MFSD8: variants seen among roughly 807,000 people sequenced by gnomAD.
The protein encoded by MFSD8 is major facilitator superfamily domain containing 8, also known as major facilitator superfamily domain-containing protein 8.
MFSD8 carries 55 observed loss-of-function variants against 66.4 expected under a neutral mutation model. That is an observed-to-expected ratio of 0.83 (90% confidence interval 0.67 to 1.04). The LOEUF is 1.04. Ranked by LOEUF, MFSD8 falls within the 50% of genes least tolerant of loss-of-function variation. The pLI is 0.00. For synonymous variants in MFSD8, 202 were observed against 212.8 expected, an observed-to-expected ratio of 0.95 and a Z score of 0.44; for missense variants, 550 against 627.6, an observed-to-expected ratio of 0.88 and a Z score of 1.32.
At chr4:127,941,970 G>C in intron 5 of MFSD8, 75 bp downstream of exon 5, 13 of 1,151,756 alleles carry the variant, frequency 1.1e-5, no homozygotes, top group Non-Finnish European at 1.7e-5. Flanking sequence ...TTTTATACTT[G>C]GGTTACACTG....
chr4:127,921,475 G>A, intron 11 of MFSD8, 49 bp downstream of exon 11: 1 of 1,612,528 alleles, frequency 6.2e-7, no homozygotes, highest in Non-Finnish European at 8.5e-7. Context: ...AATGTTGAGT[G>A]CTTACAAGTA....
intron 5 of MFSD8, among the ~76,000 whole-genome samples, chr4:127,941,742 G>C (rs1327340631): frequency 6.6e-6 from 1 of 152,134 alleles, no homozygotes; most frequent in Non-Finnish European, 1.5e-5. Context: ...GATTACAGGT[G>C]TGGACCACCA....
At chr4:127,927,090 A>C (rs1737327977) in intron 9 of MFSD8, among the ~76,000 whole-genome samples, 1 of 152,234 alleles carries the variant, frequency 6.6e-6, no homozygotes, top group Non-Finnish European at 1.5e-5. Context: ...GATTTAGCCA[A>C]ACTGAAAACT....
intron 3 of MFSD8, among the ~76,000 whole-genome samples, chr4:127,949,265 C>G (rs966507688): frequency 6.6e-6 from 1 of 152,196 alleles, no homozygotes; most frequent in Non-Finnish European, 1.5e-5. Context: ...ATAGAACTGA[C>G]AGGACCTGAT....
intron 4 of MFSD8, 116 bp downstream of exon 4, chr4:127,943,636 T>C (rs1260330867): frequency 2.4e-6 from 3 of 1,236,392 alleles, no homozygotes; most frequent in Non-Finnish European, 2.3e-6. Context: ...ATGAGAAACA[T>C]GTATGTTGAA....
rs576357616 is a variant in MFSD8, at chr4:127,925,521, T to A, written c.999-3558A>T. On this transcript the variant is annotated intron_variant, in intron 9 of 11. Transcript: ENST00000641686. The stretch of plus-strand genomic sequence containing the variant: ...CATCACTGGTCATTAGAGAAATGCA[T>A]ATCAAAATCACAATGAGATACCATC... Among the ~76,000 whole-genome samples, 4 of 152,238 alleles carry A rather than the reference T, an allele frequency of 2.6e-5. No homozygotes were observed. In the East Asian group the frequency reaches 7.7e-4, roughly 29 times the overall value.
chr4:127,963,061 A>G (rs556714890), intron 1 of MFSD8, among the ~76,000 whole-genome samples: 2 of 152,250 alleles, frequency 1.3e-5, no homozygotes, highest in Non-Finnish European at 2.9e-5. Context: ...AAAATACATT[A>G]GGTATACATT....
intron 1 of MFSD8, among the ~76,000 whole-genome samples, chr4:127,958,546 CAT>C (rs1491205906): frequency 6.6e-6 from 1 of 151,824 alleles, no homozygotes; most frequent in African/African-American, 2.4e-5. Context: ...ATATGCCAAA[CAT>C]ATTAGTTCCT....
chr4:127,945,675 T>G (rs1165330813), intron 3 of MFSD8: 2 of 152,024 alleles, frequency 1.3e-5, no homozygotes, highest in African/African-American at 4.8e-5. Flanking sequence ...TTTTTCTTTA[T>G]GAAAAAAATA....
At chr4:127,927,898 AT>A (rs1737484664) in intron 9 of MFSD8, among the ~76,000 whole-genome samples, 1 of 152,000 alleles carries the variant, frequency 6.6e-6, no homozygotes, top group African/African-American at 2.4e-5. Context: ...ATCTCATTAT[AT>A]CATAGTGAGA....
chr4:127,959,931 C>G (rs923398276), intron 1 of MFSD8, among the ~76,000 whole-genome samples: 1 of 152,128 alleles, frequency 6.6e-6, no homozygotes, highest in Non-Finnish European at 1.5e-5. Flanking sequence ...TGTCACATAT[C>G]TGATTGAATT....
intron 7 of MFSD8, chr4:127,934,505 T>G: frequency 6.6e-6 from 1 of 152,116 alleles, no homozygotes; most frequent in East Asian, 1.9e-4. Context: ...CACACTGTTT[T>G]GTAATTTATC....
intron 2 of MFSD8, among the ~76,000 whole-genome samples, chr4:127,951,277 TGGAGTG>T: frequency 6.6e-6 from 1 of 152,274 alleles, no homozygotes; most frequent in Non-Finnish European, 1.5e-5. Context: ...TCGCCCAGGC[TGGAGTG>T]TAGTGACCCG....
At chr4:127,964,967 A>T in intron 1 of MFSD8, 105 bp downstream of exon 1, 1 of 1,385,876 alleles carries the variant, frequency 7.2e-7, no homozygotes, top group Non-Finnish European at 1.0e-6. Context: ...CCGCGCTGGA[A>T]CCCCTCTGGC....
intron 2 of MFSD8, among the ~76,000 whole-genome samples, chr4:127,953,021 C>T (rs996285047): frequency 6.6e-6 from 1 of 151,856 alleles, no homozygotes; most frequent in African/African-American, 2.4e-5. Flanking sequence ...GCATTGCTAC[C>T]AAAACAGTAT....
intron 7 of MFSD8, among the ~76,000 whole-genome samples, chr4:127,933,894 T>C (rs1381663020): frequency 6.6e-6 from 1 of 152,154 alleles, no homozygotes; most frequent in Non-Finnish European, 1.5e-5. Flanking sequence ...CAGTGTTACA[T>C]GAAATTAGTA....
At chr4:127,944,320 A>T (rs1012658420) in intron 3 of MFSD8, among the ~76,000 whole-genome samples, 3 of 152,162 alleles carry the variant, frequency 2.0e-5, no homozygotes, top group African/African-American at 7.2e-5. Context: ...AAATAATATA[A>T]GCTATTCTTT....
chr4:127,951,524 A>G (rs1442942460), intron 2 of MFSD8, among the ~76,000 whole-genome samples: 1 of 152,056 alleles, frequency 6.6e-6, no homozygotes, highest in Non-Finnish European at 1.5e-5. Flanking sequence ...CACTGCGCCC[A>G]GCCATTACTG....
chr4:127,927,922 A>G (rs1298242027), intron 9 of MFSD8, among the ~76,000 whole-genome samples: 2 of 152,132 alleles, frequency 1.3e-5, no homozygotes, highest in African/African-American at 4.8e-5. Flanking sequence ...AGATCTCACT[A>G]TGTTGCCCAG....
Sources: gnomAD v4.1 joint callset for allele counts (sites outside exome capture counted in the v4.1 genomes callset) on GRCh38, gnomAD v4.1.1 for gene constraint, MANE v1.5 for transcripts, NCBI Gene and HGNC (gene_info 2026-07-23, HGNC 2026-07-21) for gene names.